The following ABI2 variants were observed in gnomAD, a reference collection of about 807,000 sequenced individuals.
ABI2 encodes the protein abl interactor 2.
Under a neutral mutation model 59.2 loss-of-function variants are expected in ABI2, and 25 were observed. That is an observed-to-expected ratio of 0.42 (90% CI 0.31 to 0.59). ABI2 has a LOEUF of 0.59. Ranked by LOEUF, ABI2 falls within the 20% of genes least tolerant of loss-of-function variation. ABI2 has a pLI of 0.14. For synonymous variants in ABI2, 213 were observed against 235.5 expected (o/e 0.90, Z 0.87); for missense variants, 545 against 681.8 (o/e 0.80, Z 2.23).
chr2:203,358,071 TTGTGTGTGTGTGTGTGTG>T (rs71007506), intron 1 of ABI2, among the ~76,000 whole-genome samples: 10 of 128,852 alleles, frequency 7.8e-5, no homozygotes, highest in African/African-American at 2.7e-4. Flanking sequence ...CCTGGCCTGT[TTGTGTGTGTGTGTGTGTG>T]TGTGTGTGTG....
At chr2:203,334,763 C>G (rs1466012282) in intron 1 of ABI2, among the ~76,000 whole-genome samples, 1 of 151,796 alleles carries the variant, frequency 6.6e-6, no homozygotes, top group African/African-American at 2.4e-5. Flanking sequence ...TGGGTTCAAG[C>G]AATTCTCCTG....
chr2:203,422,375 T>G (rs1418831313), intron 11 of ABI2, among the ~76,000 whole-genome samples: 4 of 152,100 alleles, frequency 2.6e-5, no homozygotes, highest in Admixed American at 6.6e-5. Flanking sequence ...GAGTGATAAA[T>G]GTAATCAATT....
At chr2:203,373,493 G>A (rs1002941485) in intron 2 of ABI2, among the ~76,000 whole-genome samples, 1 of 150,166 alleles carries the variant, frequency 6.7e-6, no homozygotes, top group African/African-American at 2.5e-5. Flanking sequence ...TGGGGAGAGG[G>A]AGAGGGAGAG....
intron 9 of ABI2, among the ~76,000 whole-genome samples, chr2:203,407,268 G>C (rs1026090302): frequency 6.6e-6 from 1 of 152,070 alleles, no homozygotes; most frequent in African/African-American, 2.4e-5. Flanking sequence ...TGGTATTCAT[G>C]TTTAGAAAAT....
intron 9 of ABI2, 96 bp downstream of exon 9, chr2:203,402,830 G>A (rs927953380): frequency 4.1e-6 from 4 of 983,756 alleles, no homozygotes; most frequent in Non-Finnish European, 5.7e-6. Flanking sequence ...CATGGTAGGT[G>A]GTTAGCACCA....
At chr2:203,372,636 G>A (rs1419070944) in intron 2 of ABI2, among the ~76,000 whole-genome samples, 3 of 151,846 alleles carry the variant, frequency 2.0e-5, no homozygotes, top group African/African-American at 7.3e-5. Flanking sequence ...CCCAGACGGG[G>A]CAGCTGGCCG....
intron 4 of ABI2, among the ~76,000 whole-genome samples, chr2:203,384,858 C>T (rs1489830958): frequency 2.7e-5 from 4 of 149,042 alleles, no homozygotes; most frequent in Non-Finnish European, 4.5e-5. Context: ...TTTTTGAGAC[C>T]GAGTCTTGCT....
rs113272649 is a variant in ABI2, at chr2:203,381,126, A to G, written c.462+742A>G. On this transcript the variant is annotated intron_variant, in intron 3 of 11. Transcript: ENST00000261018. ...GTAGTTGATTTTTTTTCTAATATAAACATACTTAAAAAACACTGTTATGGA... is the reference window on the plus strand; with the variant it reads ...GTAGTTGATTTTTTTTCTAATATAAGCATACTTAAAAAACACTGTTATGGA... Among the ~76,000 whole-genome samples, 101 of 152,360 alleles carry G rather than the reference A, an allele frequency of 6.6e-4. 1 individual carries two copies. The highest frequency in any genetic ancestry group is 3.4e-3 in the Middle Eastern group (1 of 294).
intron 1 of ABI2, among the ~76,000 whole-genome samples, chr2:203,333,310 T>TA (rs2074843432): frequency 6.6e-6 from 1 of 152,216 alleles, no homozygotes; most frequent in Non-Finnish European, 1.5e-5. Context: ...CACAACTATA[T>TA]ATCAATATTT....
At chr2:203,340,155 G>C (rs2079017551) in intron 1 of ABI2, among the ~76,000 whole-genome samples, 2 of 152,162 alleles carry the variant, frequency 1.3e-5, no homozygotes, top group South Asian at 4.1e-4. Flanking sequence ...TCACTTATAT[G>C]AGGAATCTAA....
chr2:203,363,314 ACT>A (rs1462356949), intron 1 of ABI2, among the ~76,000 whole-genome samples: 2 of 152,022 alleles, frequency 1.3e-5, no homozygotes, highest in Non-Finnish European at 2.9e-5. Context: ...ATCCAACTAT[ACT>A]CTCAGTTATT....
chr2:203,372,784 C>T (rs1185399483), intron 2 of ABI2, among the ~76,000 whole-genome samples: 3 of 151,610 alleles, frequency 2.0e-5, no homozygotes, highest in African/African-American at 7.3e-5. Flanking sequence ...GGTCTCCTCA[C>T]TTCTCAGATG....
chr2:203,382,244 T>A (rs976363843), intron 4 of ABI2, 38 bp downstream of exon 4: 2 of 1,498,042 alleles, frequency 1.3e-6, no homozygotes, highest in Non-Finnish European at 1.8e-6. Context: ...TTCTTTGTTC[T>A]TATGTAGAAT....
intron 1 of ABI2, chr2:203,328,960 T>G: frequency 4.7e-6 from 1 of 211,700 alleles, no homozygotes; most frequent in Non-Finnish European, 9.3e-6. Flanking sequence ...GAGTGGCATT[T>G]TCTGTTTGAC....
chr2:203,418,498 G>A (rs1447371821), intron 11 of ABI2, among the ~76,000 whole-genome samples: 2 of 152,212 alleles, frequency 1.3e-5, no homozygotes, highest in Non-Finnish European at 2.9e-5. Context: ...TGACGGCCTC[G>A]GCTTCTTCAT....
At chr2:203,417,198 G>T (rs2097928390) in intron 11 of ABI2, 117 bp downstream of exon 11, 1 of 974,460 alleles carries the variant, frequency 1.0e-6, no homozygotes, top group South Asian at 2.5e-5. Flanking sequence ...ATTTGTATTT[G>T]TGCATTTTTA....
chr2:203,425,867 C>G (rs888175097), intron 11 of ABI2, among the ~76,000 whole-genome samples: 2 of 151,728 alleles, frequency 1.3e-5, no homozygotes, highest in Non-Finnish European at 2.9e-5. Flanking sequence ...ACTAAAAATA[C>G]AAAAATTAGC....
chr2:203,384,309 T>TGTTTTTTTTG, intron 4 of ABI2, among the ~76,000 whole-genome samples: 1 of 140,390 alleles, frequency 7.1e-6, no homozygotes, highest in East Asian at 2.1e-4. Context: ...TTTTTTTTTT[T>TGTTTTTTTTG]TTTTTTTTTT....
intron 1 of ABI2, among the ~76,000 whole-genome samples, chr2:203,358,425 G>T (rs2092749898): frequency 6.6e-6 from 1 of 152,102 alleles, no homozygotes; most frequent in African/African-American, 2.4e-5. Context: ...CAGGATTACA[G>T]GTGTGAGCCA....
Sources: gnomAD v4.1 joint callset for allele counts (sites outside exome capture counted in the v4.1 genomes callset) on GRCh38, gnomAD v4.1.1 for gene constraint, MANE v1.5 for transcripts, NCBI Gene and HGNC (gene_info 2026-07-23, HGNC 2026-07-21) for gene names.